SERPINA12: variants seen among roughly 807,000 people sequenced by gnomAD.
SERPINA12 encodes the protein serpin A12.
In SERPINA12, 21 loss-of-function variants were observed where a neutral mutation model predicts 25.9. The ratio of observed to expected loss-of-function variants is 0.81; its 90% confidence interval spans 0.58 to 1.17. The LOEUF (loss-of-function observed/expected upper bound fraction) is 1.17. SERPINA12 is among the 50% of genes most tolerant of loss of function. The probability of loss-of-function intolerance (pLI) is 0.00; values close to 1 mark genes in which losing one functional copy is unlikely to be tolerated. For synonymous variants in SERPINA12, 220 were observed against 196.0 expected, an observed-to-expected ratio of 1.12 and a Z score of -1.02; for missense variants, 562 against 508.3, an observed-to-expected ratio of 1.11 and a Z score of -1.02.
chr14:94,496,668 A>C (rs942480732), intron 2 of SERPINA12, 25 bp from the exon 3 acceptor site: 10 of 1,608,686 alleles, frequency 6.2e-6, no homozygotes, highest in African/African-American at 1.3e-5. Flanking sequence ...AGACAAACAG[A>C]CATGTTATCC....
Position 94,487,434 on chromosome 14 carries a change from C to CGGT in SERPINA12, c.1111_1113dup (p.Thr371dup), listed in dbSNP as rs1566802683. 1 of 1,613,998 alleles carries CGGT rather than the reference C, an allele frequency of 6.2e-7. No individual in the cohort carries two copies. Among genetic ancestry groups the CGGT allele is most frequent in the Non-Finnish European group, 8.5e-7 (1 of 1,179,960 alleles). On this transcript the variant is annotated inframe_insertion, in exon 5 of 5. Transcript: ENST00000677451. ...GTCTCCATGGGCAGAGTCTGTGCTC[C>CGGT]GGTGCCAGCGGCCCCTTCCGTACCC...
intron 1 of SERPINA12, among the ~76,000 whole-genome samples, chr14:94,516,953 GCA>G (rs3065837): frequency 0.57 from 85,861 of 151,718 alleles, 25,889 homozygotes; most frequent in African/African-American, 0.79. Context: ...CGCAGCTATT[GCA>G]CACACACACA....
At chr14:94,498,983 G>A (rs1234955542) in intron 1 of SERPINA12, among the ~76,000 whole-genome samples, 1 of 152,190 alleles carries the variant, frequency 6.6e-6, no homozygotes, top group Non-Finnish European at 1.5e-5. Context: ...GACAGAAATG[G>A]ACTGACACAT....
intron 1 of SERPINA12, among the ~76,000 whole-genome samples, chr14:94,502,463 T>C (rs1235995367): frequency 6.6e-6 from 1 of 152,082 alleles, no homozygotes; most frequent in African/African-American, 2.4e-5. Flanking sequence ...GACTCAACAA[T>C]AATAATATTT....
chr14:94,489,790 G>T, intron 3 of SERPINA12, 23 bp from the exon 4 acceptor site: 2 of 1,611,976 alleles, frequency 1.2e-6, no homozygotes, highest in Non-Finnish European at 1.7e-6. Context: ...CACGACAAGG[G>T]TGAGTGGTCA....
At chr14:94,487,882 C>T (rs1365095693) in intron 4 of SERPINA12, among the ~76,000 whole-genome samples, 1 of 152,138 alleles carries the variant, frequency 6.6e-6, no homozygotes, top group Non-Finnish European at 1.5e-5. Context: ...CACCTCCTTT[C>T]ATCCACCTGG....
intron 1 of SERPINA12, among the ~76,000 whole-genome samples, 155 bp downstream of exon 1, chr14:94,509,187 C>T (rs762203560): frequency 2.6e-5 from 4 of 152,004 alleles, no homozygotes; most frequent in Non-Finnish European, 5.9e-5. Flanking sequence ...TGATCCAGCC[C>T]TAGGGCTAGG....
chr14:94,493,394 CCCTGGGGTGAGAGGAA>C (rs1900257611), intron 3 of SERPINA12, among the ~76,000 whole-genome samples: 1 of 152,200 alleles, frequency 6.6e-6, no homozygotes, highest in Non-Finnish European at 1.5e-5. Flanking sequence ...GGCAAGACAT[CCCTGGGGTGAGAGGAA>C]CCTTCCTTTC....
upstream of SERPINA12, among the ~76,000 whole-genome samples, chr14:94,512,218 C>A (rs1322489435): frequency 6.6e-6 from 1 of 152,176 alleles, no homozygotes; most frequent in East Asian, 1.9e-4. Context: ...CAGCTCCATC[C>A]CCCACCCACT....
chr14:94,487,516 T>C (rs1403788591), intron 4 of SERPINA12, 22 bp from the exon 5 acceptor site: 1 of 1,586,118 alleles, frequency 6.3e-7, no homozygotes, highest in Non-Finnish European at 8.6e-7. Context: ...AAGGGCAAAG[T>C]CAAGGTCTGC....
chr14:94,498,042 A>C lies in SERPINA12; in HGVS notation c.356T>G (p.Ile119Ser), dbSNP rs199680231. Residue 119 changes from isoleucine to serine, a missense_variant, in exon 2 of 5, where the codon ATC becomes AGC. Physicochemically the swap from Ile to Ser is moderately radical, Grantham distance 142. Transcript: ENST00000677451. ...EKDLHEGFHY[I>S]IHELTQKTQD... ...GGTCTTCTGGGTCAGCTCGTGGATG[A>C]TGTAATGGAAGCCCTCATGAAGATC... 1.9e-5 allele frequency: 31 copies of C among 1,614,126 alleles called. No homozygotes were observed. The African/African-American group carries it at 2.4e-4, about 12-fold the overall frequency.
chr14:94,504,337 AC>A (rs1474274402), intron 1 of SERPINA12: 2 of 152,156 alleles, frequency 1.3e-5, no homozygotes, highest in African/African-American at 4.8e-5. Flanking sequence ...TACCGGCCAC[AC>A]CCACTGGGCT....
chr14:94,487,567 G>T, intron 4 of SERPINA12, 73 bp from the exon 5 acceptor site: 1 of 1,348,460 alleles, frequency 7.4e-7, no homozygotes. Context: ...GGCCCAGAGA[G>T]GATCAGAGAG....
intron 4 of SERPINA12, among the ~76,000 whole-genome samples, chr14:94,489,209 GAGAGAA>G (rs370056189): frequency 4.8e-5 from 6 of 124,226 alleles, no homozygotes; most frequent in African/African-American, 1.6e-4. Context: ...AAGAAAGAAA[GAGAGAA>G]AGAGAGAGAG....
At chr14:94,510,304 C>T (rs1901076191), upstream of SERPINA12, 1 of 977,492 alleles carries the variant, frequency 1.0e-6, no homozygotes. Context: ...GATCTAGATG[C>T]TGGTAGAAGA....
At chr14:94,506,274 T>C (rs2063527995) in intron 1 of SERPINA12, among the ~76,000 whole-genome samples, 1 of 152,196 alleles carries the variant, frequency 6.6e-6, no homozygotes, top group Non-Finnish European at 1.5e-5. Context: ...TCATCCTCAC[T>C]CTTTGGATCT....
rs1900541505 is a variant in SERPINA12, at chr14:94,498,177, A to G, written c.221T>C (p.Leu74Pro). ...AGCTGTAGAGATGCTCAAGGGGGAT[A>G]GGAAGATGTTCCTGCCAGGGTTGTA... ...AFYNPGRNIF[L>P]SPLSISTAFS... is the part of the protein sequence containing the mutation. The change falls in exon 2 of 5, where the codon CTA becomes CCA. Residue 74 changes from leucine to proline, a missense_variant. Leu to Pro is a moderately conservative substitution (Grantham distance 98, BLOSUM62 -3). Coordinates refer to ENST00000677451, the MANE Select transcript of SERPINA12 (RefSeq NM_001382267.1). 1.2e-6 allele frequency: 2 copies of G among 1,614,080 alleles called. No homozygotes were observed. The highest frequency in any genetic ancestry group is 1.3e-5 in the African/African-American group (1 of 74,930).
At position 94,515,179 on chromosome 14, in the gene SERPINA12, G is replaced by A. The variant is rs541864645; in HGVS notation, c.-18+641C>T. 8.3e-4 allele frequency among the ~76,000 whole-genome samples: 127 copies of A among 152,298 alleles called. 6 individuals carry two copies. The South Asian group carries it at 0.026, about 31-fold the overall frequency. ...CTGGGGGATCCTGAAACTATGCGAC[G>A]TGTTTCTGTGGGAGAGGCTGATGAT... is the stretch of plus-strand genomic sequence containing the variant. On this transcript the variant is annotated intron_variant, in intron 2 of 5. Coordinates refer to the SERPINA12 transcript ENST00000341228.
At chr14:94,508,392 AAAATTTAG>A (rs930723944) in intron 1 of SERPINA12, among the ~76,000 whole-genome samples, 1 of 1,138 alleles carries the variant, frequency 8.8e-4, no homozygotes, top group African/African-American at 6.0e-3. Context: ...AGAGAAATAG[AAAATTTAG>A]AAAATTTTTT....
Sources: allele counts gnomAD v4.1 joint callset (sites outside exome capture counted in the v4.1 genomes callset), GRCh38; gene constraint gnomAD v4.1.1; transcripts MANE v1.5; gene names NCBI Gene and HGNC (gene_info 2026-07-23, HGNC 2026-07-21).